The following PRKAR1B variants were observed in gnomAD, a reference collection of about 807,000 sequenced individuals.
PRKAR1B encodes the protein protein kinase cAMP-dependent type I regulatory subunit beta.
A neutral mutation model predicts 46.5 loss-of-function variants in PRKAR1B; 22 were observed. That is an observed-to-expected ratio of 0.47 (90% confidence interval 0.34 to 0.68). The LOEUF (loss-of-function observed/expected upper bound fraction) is 0.68. Ranked by LOEUF, PRKAR1B falls within the 30% of genes least tolerant of loss-of-function variation. The probability of loss-of-function intolerance (pLI) is 0.01; values close to 1 mark genes in which losing one functional copy is unlikely to be tolerated. For missense variants in PRKAR1B, 445 were observed against 535.6 expected (o/e 0.83, Z 1.67); for synonymous variants, 259 against 217.7 (o/e 1.19, Z -1.67).
rs1562541669 is a variant in PRKAR1B at position 588,549 on chromosome 7, G to GTGGTGA, written c.709-3987_709-3982dup. ...GGTGACGGTGGTGATGGTGGTGACG[G>GTGGTGA]TGGTGATGGTGGTGATGTTGGTGAG... On this transcript the variant is annotated intron_variant, in intron 7 of 10. Transcript: ENST00000537384. Among the ~76,000 whole-genome samples, 40 of 5,636 alleles carry GTGGTGA rather than the reference G, an allele frequency of 7.1e-3. 4 individuals are homozygous for GTGGTGA. Among genetic ancestry groups the GTGGTGA allele is most frequent in the Middle Eastern group, 0.17 (1 of 6 alleles). 3.7% of individuals were successfully genotyped at this position (5,636 alleles called of 152,430 possible). A position where few individuals can be genotyped will look rare whatever the true frequency, so the allele number is the denominator to read the frequency against.
At chr7:570,474 T>G (rs1203095183) in intron 9 of PRKAR1B, among the ~76,000 whole-genome samples, 1 of 152,004 alleles carries the variant, frequency 6.6e-6, no homozygotes. Context: ...GCTGTCAGGA[T>G]GCCCTCCATC....
chr7:641,762 T>C (rs891066024), intron 4 of PRKAR1B, among the ~76,000 whole-genome samples: 3 of 152,158 alleles, frequency 2.0e-5, no homozygotes, highest in Non-Finnish European at 2.9e-5. Flanking sequence ...ATGTGTTTAT[T>C]TACTTATTAT....
At chr7:674,562 C>A (rs1009605643) in intron 4 of PRKAR1B, among the ~76,000 whole-genome samples, 1 of 152,102 alleles carries the variant, frequency 6.6e-6, no homozygotes, top group Non-Finnish European at 1.5e-5. Flanking sequence ...CCACACCCAG[C>A]TACTCTGGCC....
chr7:614,129 G>A (rs555505752), intron 4 of PRKAR1B, among the ~76,000 whole-genome samples: 6 of 152,228 alleles, frequency 3.9e-5, no homozygotes, highest in Non-Finnish European at 7.3e-5. Flanking sequence ...GCCCGACCAG[G>A]ACAGGCCAAC....
intron 1 of PRKAR1B, among the ~76,000 whole-genome samples, chr7:725,393 G>C (rs1781223100): frequency 6.6e-6 from 1 of 152,134 alleles, no homozygotes; most frequent in South Asian, 2.1e-4. Flanking sequence ...GGGACTCCTG[G>C]TTTGCAGTGA....
At chr7:691,489 C>A (rs765976447) in intron 2 of PRKAR1B, 2 of 1,304,128 alleles carry the variant, frequency 1.5e-6, no homozygotes, top group South Asian at 1.2e-5. Flanking sequence ...GGCCCCCCAG[C>A]GCACCACAGC....
At chr7:654,897 G>A (rs1318609383) in intron 4 of PRKAR1B, among the ~76,000 whole-genome samples, 1 of 152,054 alleles carries the variant, frequency 6.6e-6, no homozygotes, top group Non-Finnish European at 1.5e-5. Context: ...TGTTATCATT[G>A]CCGTTGCCTC....
At chr7:690,613 A>T (rs1334273421) in intron 2 of PRKAR1B, among the ~76,000 whole-genome samples, 1 of 152,208 alleles carries the variant, frequency 6.6e-6, no homozygotes, top group East Asian at 1.9e-4. Context: ...GAACTATGTC[A>T]TAATAAAAGT....
chr7:672,893 T>A (rs1240147356), intron 4 of PRKAR1B, among the ~76,000 whole-genome samples: 1 of 150,918 alleles, frequency 6.6e-6, no homozygotes, highest in Non-Finnish European at 1.5e-5. Flanking sequence ...AATTTTTTTT[T>A]AATTAGCCAG....
At chr7:577,819 G>A (rs1779946530) in intron 9 of PRKAR1B, among the ~76,000 whole-genome samples, 2 of 152,248 alleles carry the variant, frequency 1.3e-5, no homozygotes, top group South Asian at 2.1e-4. Flanking sequence ...CCAGCAGGAG[G>A]TGGAATGAAC....
chr7:664,076 C>T (rs1785769730), intron 4 of PRKAR1B, among the ~76,000 whole-genome samples: 2 of 152,244 alleles, frequency 1.3e-5, no homozygotes, highest in South Asian at 2.1e-4. Flanking sequence ...AGGACCAGCT[C>T]GACGGTTACA....
chr7:587,028 C>T (rs1300043443), intron 7 of PRKAR1B, among the ~76,000 whole-genome samples: 3 of 151,990 alleles, frequency 2.0e-5, no homozygotes, highest in Non-Finnish European at 2.9e-5. Context: ...GGACTACAGG[C>T]GCCCGCCACC....
chr7:693,749 C>A (rs746221747), intron 2 of PRKAR1B, among the ~76,000 whole-genome samples: 2 of 152,116 alleles, frequency 1.3e-5, no homozygotes, highest in African/African-American at 2.4e-5. Context: ...CTCAATTCTT[C>A]GGGCTGTGTA....
chr7:673,208 G>C (rs71536302), intron 4 of PRKAR1B, among the ~76,000 whole-genome samples: 1 of 152,098 alleles, frequency 6.6e-6, no homozygotes, highest in East Asian at 1.9e-4. Flanking sequence ...GCTGGGACCA[G>C]AAAGGGCTCT....
At chr7:601,885 G>C (rs990445313) in intron 6 of PRKAR1B, among the ~76,000 whole-genome samples, 1 of 152,178 alleles carries the variant, frequency 6.6e-6, no homozygotes, top group African/African-American at 2.4e-5. Flanking sequence ...CCTGACCCGG[G>C]GGGGCTGGGG....
chr7:651,895 G>A (rs111540372), intron 4 of PRKAR1B, among the ~76,000 whole-genome samples: 4 of 100,352 alleles, frequency 4.0e-5, no homozygotes, highest in Non-Finnish European at 6.0e-5. Flanking sequence ...CCCACACAAC[G>A]CTAGGAACCT....
At position 563,013 on chromosome 7, in the gene PRKAR1B, G is replaced by A. The variant is rs13246366; in HGVS notation, c.892-11543C>T. Among the ~76,000 whole-genome samples the A allele has an allele frequency of 6.8e-3, 1,039 of 152,310 alleles. 4 individuals carry two copies. The highest frequency in any genetic ancestry group is 0.017 in the Middle Eastern group (5 of 294). On this transcript the variant is annotated intron_variant, in intron 9 of 10. Transcript: ENST00000537384. ...GCTGGACACCAGAAACCTAACGGGC[G>A]CTGATGAAATCTCCACTGTGACTTC... is the stretch of plus-strand genomic sequence containing the variant.
chr7:692,936 G>A (rs1779517274), intron 2 of PRKAR1B, among the ~76,000 whole-genome samples: 1 of 151,588 alleles, frequency 6.6e-6, no homozygotes, highest in Admixed American at 6.6e-5. Context: ...AGGTGAGTGG[G>A]ACTTTTTTTT....
rs566258685 is a variant in PRKAR1B at position 600,716 on chromosome 7, G to A, written c.550-4412C>T. On this transcript the variant is annotated intron_variant, in intron 6 of 10. Coordinates refer to ENST00000537384, the MANE Select transcript of PRKAR1B (RefSeq NM_001164760.2). ...GTGGGGACGTCGTGATGCCTGGGAC[G>A]GGGAGCAAAAAGAGGGAGTCGGGAT... Among the ~76,000 whole-genome samples, 11 of 152,220 alleles carry A rather than the reference G, an allele frequency of 7.2e-5. No individual in the cohort carries two copies. The South Asian group carries it at 2.1e-3, about 29-fold the overall frequency.
Sources: gnomAD v4.1 joint callset for allele counts (sites outside exome capture counted in the v4.1 genomes callset) on GRCh38, gnomAD v4.1.1 for gene constraint, MANE v1.5 for transcripts, NCBI Gene and HGNC (gene_info 2026-07-23, HGNC 2026-07-21) for gene names.